Variants in NRXN3 observed in about 807,000 individuals in gnomAD.
The protein encoded by NRXN3 is neurexin III.
NRXN3 carries 32 observed loss-of-function variants against 137.6 expected under a neutral mutation model. The ratio of observed to expected loss-of-function variants is 0.23; its 90% CI spans 0.18 to 0.31. The LOEUF (loss-of-function observed/expected upper bound fraction) is 0.31, where lower values mean the gene tolerates loss of function less well. Among genes scored for constraint, NRXN3 ranks in the 10% least tolerant of loss-of-function variants. The pLI is 1.00. For synonymous variants in NRXN3, 798 were observed against 784.5 expected (o/e 1.02, Z -0.29); for missense variants, 1,574 against 2,062.5 (o/e 0.76, Z 4.59).
At chr14:79,256,366 TAGTC>T (rs1204577269) in intron 15 of NRXN3, among the ~76,000 whole-genome samples, 1 of 152,222 alleles carries the variant, frequency 6.6e-6, no homozygotes, top group Non-Finnish European at 1.5e-5. Context: ...CTGTTGTCAT[TAGTC>T]AGTGTTGGGT....
chr14:79,380,174 T>G (rs1450557891), intron 15 of NRXN3, among the ~76,000 whole-genome samples: 2 of 143,382 alleles, frequency 1.4e-5, no homozygotes, highest in African/African-American at 5.1e-5. Context: ...TTTTGGTAGA[T>G]ATATTTATTT....
intron 10 of NRXN3, among the ~76,000 whole-genome samples, chr14:78,897,474 A>T (rs2099180791): frequency 6.6e-6 from 1 of 151,830 alleles, no homozygotes; most frequent in Non-Finnish European, 1.5e-5. Flanking sequence ...TATCCCTAGA[A>T]TTGATTCAGA....
chr14:78,766,312 C>A (rs1282327914), intron 8 of NRXN3, among the ~76,000 whole-genome samples: 1 of 152,144 alleles, frequency 6.6e-6, no homozygotes, highest in Non-Finnish European at 1.5e-5. Context: ...CTGGCTTATG[C>A]TTCTATAAAT....
chr14:78,756,453 A>T (rs1247522675), intron 8 of NRXN3, among the ~76,000 whole-genome samples: 1 of 150,932 alleles, frequency 6.6e-6, no homozygotes, highest in East Asian at 2.0e-4. Flanking sequence ...GTGCCACTGT[A>T]CTTGGCTCTG....
chr14:78,774,866 G>T (rs9972199), intron 8 of NRXN3, among the ~76,000 whole-genome samples: 44,516 of 151,934 alleles, frequency 0.29, 9,592 homozygotes, highest in African/African-American at 0.61. Flanking sequence ...GAGGCTACAG[G>T]GAGCTATGAT....
At chr14:79,293,475 A>C (rs2083517090) in intron 15 of NRXN3, among the ~76,000 whole-genome samples, 1 of 152,228 alleles carries the variant, frequency 6.6e-6, no homozygotes, top group Non-Finnish European at 1.5e-5. Flanking sequence ...CCCAAATCAC[A>C]CTTTTCAAAT....
intron 8 of NRXN3, among the ~76,000 whole-genome samples, chr14:78,775,456 G>A (rs77219685): frequency 4.8e-4 from 73 of 152,208 alleles, no homozygotes; most frequent in African/African-American, 1.7e-3. Context: ...TTAAAACATC[G>A]AGGTTTTTGT....
intron 4 of NRXN3, among the ~76,000 whole-genome samples, chr14:78,625,031 G>A (rs1444080266): frequency 1.3e-5 from 2 of 151,996 alleles, no homozygotes; most frequent in Non-Finnish European, 1.5e-5. Context: ...TAGTAGAGAC[G>A]GGGTTTCACC....
intron 15 of NRXN3, among the ~76,000 whole-genome samples, chr14:79,025,349 T>C (rs1264042698): frequency 6.6e-6 from 1 of 152,136 alleles, no homozygotes; most frequent in Non-Finnish European, 1.5e-5. Flanking sequence ...ACTGTTCTTA[T>C]AGTAATCATC....
intron 19 of NRXN3, among the ~76,000 whole-genome samples, chr14:79,740,443 A>G (rs529482724): frequency 2.6e-5 from 4 of 151,876 alleles, no homozygotes; most frequent in Admixed American, 2.0e-4. Context: ...GGCTCTTCAC[A>G]ATGCAGCCTG....
chr14:79,347,051 CA>C (rs1370923913), intron 15 of NRXN3, among the ~76,000 whole-genome samples: 3 of 152,060 alleles, frequency 2.0e-5, no homozygotes, highest in Non-Finnish European at 2.9e-5. Context: ...TGAGTTGGAG[CA>C]AAACTCTTGA....
chr14:79,257,424 A>ATGG (rs1568818032), intron 15 of NRXN3, among the ~76,000 whole-genome samples: 1 of 19,328 alleles, frequency 5.2e-5, no homozygotes, highest in African/African-American at 2.5e-4. Context: ...GATGGTGGTG[A>ATGG]TGGTGGTGGT....
intron 6 of NRXN3, among the ~76,000 whole-genome samples, chr14:78,678,288 A>G (rs916743756): frequency 4.0e-5 from 6 of 150,784 alleles, no homozygotes; most frequent in African/African-American, 1.5e-4. Context: ...GATTTCATTC[A>G]TTCATATTAA....
At chr14:78,643,713 G>A (rs548566622) in intron 4 of NRXN3, among the ~76,000 whole-genome samples, 2 of 152,256 alleles carry the variant, frequency 1.3e-5, no homozygotes, top group South Asian at 4.1e-4. Flanking sequence ...CTTTGGCTTT[G>A]TCCTATATCA....
In NRXN3 at chr14:79,238,149, C is replaced by T. The variant is rs112580885; in HGVS notation, c.3263-229072C>T. ...TGCATGGGGGTCCTGGACTTACAAG[C>T]GGGTGTGCTTAGTTTAATGCTCTCC... On this transcript the variant is annotated intron_variant, in intron 15 of 20. Transcript: ENST00000335750. Among the ~76,000 whole-genome samples the T allele has an allele frequency of 1.1e-3, 162 of 152,066 alleles. 1 individual carries two copies. Among genetic ancestry groups the T allele is most frequent in the African/African-American group, 3.4e-3 (141 of 41,496 alleles).
chr14:79,130,893 T>C (rs560519882), intron 15 of NRXN3, among the ~76,000 whole-genome samples: 2 of 152,224 alleles, frequency 1.3e-5, no homozygotes, highest in Admixed American at 1.3e-4. Flanking sequence ...TATTCTTTTT[T>C]CTCTAAACTT....
At position 78,259,546 on chromosome 14, in the gene NRXN3, AGT is replaced by A. The variant is rs143011085; in HGVS notation, c.709+15746_709+15747del. Among the ~76,000 whole-genome samples the A allele has an allele frequency of 5.9e-3, 895 of 152,288 alleles. 8 individuals carry two copies. Among genetic ancestry groups the A allele is most frequent in the African/African-American group, 0.02 (844 of 41,558 alleles). On this transcript the variant is annotated intron_variant, in intron 2 of 20. Transcript: ENST00000335750. ...ACCTCTGGTCTCTGTGGGCTGAAAG[AGT>A]GAGATGCCCACACAAGAGATGCTGG...
intron 10 of NRXN3, among the ~76,000 whole-genome samples, chr14:78,902,810 A>G (rs2099201249): frequency 6.6e-6 from 1 of 151,670 alleles, no homozygotes; most frequent in African/African-American, 2.4e-5. Context: ...CCTAAATATA[A>G]CATAGTTATA....
intron 4 of NRXN3, among the ~76,000 whole-genome samples, chr14:78,367,583 A>G (rs1452917767): frequency 2.0e-5 from 3 of 152,192 alleles, no homozygotes; most frequent in Non-Finnish European, 2.9e-5. Context: ...ATGTGCCATT[A>G]TCTCCTAAGA....
Sources: allele counts gnomAD v4.1 joint callset (sites outside exome capture counted in the v4.1 genomes callset), GRCh38; gene constraint gnomAD v4.1.1; transcripts MANE v1.5; gene names NCBI Gene and HGNC (gene_info 2026-07-23, HGNC 2026-07-21).